Variants in GALNT7 observed in about 807,000 individuals in gnomAD.
The protein encoded by GALNT7 is N-acetylgalactosaminyltransferase 7.
Under a neutral mutation model 82.1 loss-of-function variants are expected in GALNT7, and 60 were observed. That is an observed-to-expected ratio of 0.73 (90% CI 0.59 to 0.91). The LOEUF (loss-of-function observed/expected upper bound fraction) is 0.91, where lower values mean the gene tolerates loss of function less well. Ranked by LOEUF, GALNT7 falls within the 40% of genes least tolerant of loss-of-function variation. GALNT7 has a pLI of 0.00. For missense variants in GALNT7, 660 were observed against 804.2 expected (o/e 0.82, Z 2.17); for synonymous variants, 243 against 275.1 (o/e 0.88, Z 1.15).
At chr4:173,306,336 T>G (rs1240175823) in intron 8 of GALNT7, among the ~76,000 whole-genome samples, 2 of 152,014 alleles carry the variant, frequency 1.3e-5, no homozygotes, top group African/African-American at 4.8e-5. Flanking sequence ...ACAGTTTACT[T>G]CTTTTCTGAT....
intron 1 of GALNT7, among the ~76,000 whole-genome samples, chr4:173,178,042 T>C (rs1483370411): frequency 1.7e-4 from 20 of 117,666 alleles, no homozygotes; most frequent in African/African-American, 4.8e-4. Context: ...TGTGTGTGTG[T>C]GTGTGTGTGT....
chr4:173,227,864 C>G (rs754477503), intron 1 of GALNT7, among the ~76,000 whole-genome samples: 7 of 151,872 alleles, frequency 4.6e-5, no homozygotes, highest in African/African-American at 7.3e-5. Flanking sequence ...TAAATGCTAC[C>G]CCAAGTTTGG....
At chr4:173,285,360 G>C (rs188665539) in intron 2 of GALNT7, among the ~76,000 whole-genome samples, 1 of 152,190 alleles carries the variant, frequency 6.6e-6, no homozygotes. Context: ...TCCTTTCAGC[G>C]TAGTTAGGAG....
intron 2 of GALNT7, among the ~76,000 whole-genome samples, chr4:173,269,953 C>T (rs1433432553): frequency 6.6e-6 from 1 of 152,180 alleles, no homozygotes; most frequent in East Asian, 1.9e-4. Context: ...AGACACCCCA[C>T]CTCATCAGCT....
At chr4:173,301,991 T>C in intron 6 of GALNT7, 56 bp from the exon 7 acceptor site, 1 of 818,576 alleles carries the variant, frequency 1.2e-6, no homozygotes, top group East Asian at 2.4e-5. Flanking sequence ...TGCCTATTGG[T>C]GAAGGGTTAT....
intron 1 of GALNT7, among the ~76,000 whole-genome samples, chr4:173,176,816 A>G (rs1455441858): frequency 6.6e-6 from 1 of 152,238 alleles, no homozygotes; most frequent in Non-Finnish European, 1.5e-5. Context: ...GACTCTAGAA[A>G]GATAAATAGA....
rs1407208269 is a variant in GALNT7, at chr4:173,223,585, A to AC, written c.127-24390dup. Among the ~76,000 whole-genome samples the AC allele has an allele frequency of 2.6e-5, 4 of 151,374 alleles. No individual in the cohort carries two copies. In the East Asian group the frequency reaches 5.9e-4, roughly 22 times the overall value. ...AACTTAACTCTTTTCCATAAATGAG[A>AC]CCCCCACCCCCCGCAGTCCAAAATT... On this transcript the variant is annotated intron_variant, in intron 1 of 11. Coordinates refer to ENST00000265000, the MANE Select transcript of GALNT7 (RefSeq NM_017423.3).
intron 8 of GALNT7, among the ~76,000 whole-genome samples, chr4:173,306,438 T>C (rs1475539769): frequency 2.6e-5 from 4 of 152,234 alleles, no homozygotes; most frequent in African/African-American, 9.6e-5. Flanking sequence ...CATCCTTGTC[T>C]TGTTCTTAAT....
intron 2 of GALNT7, among the ~76,000 whole-genome samples, chr4:173,291,470 T>TCTATTTAGGAAA (rs1258011760): frequency 5.5e-4 from 84 of 152,352 alleles, no homozygotes; most frequent in African/African-American, 2.0e-3. Context: ...GTTTGGGGTT[T>TCTATTTAGGAAA]CTTCTATTTA....
At chr4:173,264,788 G>A (rs1277074773) in intron 2 of GALNT7, among the ~76,000 whole-genome samples, 1 of 152,206 alleles carries the variant, frequency 6.6e-6, no homozygotes, top group Non-Finnish European at 1.5e-5. Context: ...GAACCAGCCA[G>A]CAAGCAGCTG....
intron 1 of GALNT7, among the ~76,000 whole-genome samples, chr4:173,190,432 T>C (rs151229344): frequency 6.6e-6 from 1 of 152,336 alleles, no homozygotes; most frequent in Non-Finnish European, 1.5e-5. Flanking sequence ...GGTAATACCG[T>C]ATAATTTTTT....
intron 1 of GALNT7, among the ~76,000 whole-genome samples, chr4:173,245,894 G>A (rs1052594313): frequency 1.3e-5 from 2 of 152,112 alleles, no homozygotes; most frequent in African/African-American, 4.8e-5. Context: ...CTGACCCTTA[G>A]TATGGCTCAC....
At position 173,298,304 on chromosome 4, in the gene GALNT7, AC is replaced by A; in HGVS notation, c.1148+8del. 1 of 1,531,966 alleles carries A rather than the reference AC, an allele frequency of 6.5e-7. No homozygotes were observed. Among genetic ancestry groups the A allele is most frequent in the Non-Finnish European group, 8.7e-7 (1 of 1,143,008 alleles). 94.9% of individuals were successfully genotyped at this position (1,531,966 alleles called of 1,614,324 possible). On this transcript the variant is annotated splice_region_variant and intron_variant, in intron 6 of 11. Transcript: ENST00000265000. ...CAAAAACTGAACCGTATCGGTAATCACTAAATCACTTACATATTTTTCTTTT... is the reference window on the plus strand; with the variant it reads ...CAAAAACTGAACCGTATCGGTAATCATAAATCACTTACATATTTTTCTTTT...
At chr4:173,193,816 A>G (rs191396875) in intron 1 of GALNT7, among the ~76,000 whole-genome samples, 4 of 152,326 alleles carry the variant, frequency 2.6e-5, no homozygotes, top group Admixed American at 2.6e-4. Flanking sequence ...AAGAATATGA[A>G]ATTAATGAAT....
intron 5 of GALNT7, among the ~76,000 whole-genome samples, chr4:173,296,961 T>C (rs1387553580): frequency 1.3e-5 from 2 of 152,232 alleles, no homozygotes; most frequent in African/African-American, 4.8e-5. Context: ...GTTTTTAAAC[T>C]TCTGAAAAGC....
chr4:173,305,792 C>T (rs1737135898), intron 8 of GALNT7, among the ~76,000 whole-genome samples: 1 of 152,130 alleles, frequency 6.6e-6, no homozygotes, highest in Non-Finnish European at 1.5e-5. Flanking sequence ...GTTTTGATTA[C>T]TATAGCTTAG....
At chr4:173,226,987 T>C (rs1451102550) in intron 1 of GALNT7, among the ~76,000 whole-genome samples, 2 of 152,228 alleles carry the variant, frequency 1.3e-5, no homozygotes, top group Non-Finnish European at 2.9e-5. Context: ...TTTTCTTTGG[T>C]TAATAATTTT....
At chr4:173,217,976 G>A (rs917151187) in intron 1 of GALNT7, among the ~76,000 whole-genome samples, 2 of 152,162 alleles carry the variant, frequency 1.3e-5, no homozygotes, top group South Asian at 2.1e-4. Flanking sequence ...AAGACATCCC[G>A]CTCCAGAGAG....
chr4:173,211,649 TGTGTGCACGAGCAC>T (rs1221186283), intron 1 of GALNT7, among the ~76,000 whole-genome samples: 1 of 152,268 alleles, frequency 6.6e-6, no homozygotes, highest in Admixed American at 6.5e-5. Context: ...TACCTGCACA[TGTGTGCACGAGCAC>T]GTGTGCACAC....
Sources: allele counts gnomAD v4.1 joint callset (sites outside exome capture counted in the v4.1 genomes callset), GRCh38; gene constraint gnomAD v4.1.1; transcripts MANE v1.5; gene names NCBI Gene and HGNC (gene_info 2026-07-23, HGNC 2026-07-21).